The following FLYWCH1 variants were observed in gnomAD, a reference collection of about 807,000 sequenced individuals.
FLYWCH1 encodes FLYWCH-type zinc finger 1.
Under a neutral mutation model 66.4 loss-of-function variants are expected in FLYWCH1, and 75 were observed. That is an observed-to-expected ratio of 1.13 (90% CI 0.94 to 1.37). The LOEUF (loss-of-function observed/expected upper bound fraction) is 1.37. FLYWCH1 is among the 40% of genes most tolerant of loss of function. The pLI is 0.00. For missense variants in FLYWCH1, 1,334 were observed against 1,001.8 expected (o/e 1.33, Z -4.48); for synonymous variants, 595 against 429.9 (o/e 1.38, Z -4.75).
intron 4 of FLYWCH1, among the ~76,000 whole-genome samples, chr16:2,931,587 G>T (rs943995820): frequency 6.6e-6 from 1 of 151,952 alleles, no homozygotes; most frequent in Non-Finnish European, 1.5e-5. Flanking sequence ...CTGCCCTCCA[G>T]CCTGGACAAG....
At chr16:2,918,718 G>A (rs897256445) in intron 2 of FLYWCH1, among the ~76,000 whole-genome samples, 1 of 152,174 alleles carries the variant, frequency 6.6e-6, no homozygotes, top group Non-Finnish European at 1.5e-5. Flanking sequence ...TGGGATTAGA[G>A]GCGTGAACCA....
At position 2,933,297 on chromosome 16, in the gene FLYWCH1, C is replaced by G; in HGVS notation, c.964C>G (p.Arg322Gly). ...GAGCCGGGCCATCACCCAGGGACAG[C>G]GGGTGACTGTGATGCGTGGGCACTG... ...CRSRAITQGQ[R>G]VTVMRGHCHQ... The change falls in exon 5 of 10, where the codon CGG (arginine) becomes GGG (glycine). Residue 322 changes from arginine to glycine, a missense_variant. Transcript: ENST00000253928. 1 of 1,611,686 alleles carries G rather than the reference C, an allele frequency of 6.2e-7. No homozygotes were observed. The highest frequency in any genetic ancestry group is 8.5e-7 in the Non-Finnish European group (1 of 1,179,300).
At chr16:2,934,580 T>G (rs2070917561) in intron 6 of FLYWCH1, 1 of 451,248 alleles carries the variant, frequency 2.2e-6, no homozygotes, top group African/African-American at 2.0e-5. Context: ...CATCGTGGCC[T>G]CCTCCACTCA....
At chr16:2,942,119 G>C (rs1029096675) in intron 9 of FLYWCH1, among the ~76,000 whole-genome samples, 1 of 150,654 alleles carries the variant, frequency 6.6e-6, no homozygotes, top group Non-Finnish European at 1.5e-5. Context: ...TCTATCTACA[G>C]ATCAAAAAAA....
chr16:2,912,890 G>A (rs1295455681), intron 1 of FLYWCH1: 1 of 152,112 alleles, frequency 6.6e-6, no homozygotes, highest in Non-Finnish European at 1.5e-5. Context: ...CAATTCCAAC[G>A]AAATGGCTTA....
chr16:2,916,813 A>ACTT (rs1412051468), intron 2 of FLYWCH1, among the ~76,000 whole-genome samples: 65 of 151,900 alleles, frequency 4.3e-4, no homozygotes, highest in African/African-American at 1.4e-3. Context: ...AATACCCCTA[A>ACTT]GGTTCCTGAA....
At chr16:2,915,634 G>A (rs9926680) in intron 2 of FLYWCH1, among the ~76,000 whole-genome samples, 83,164 of 151,846 alleles carry the variant, frequency 0.55, 23,058 homozygotes, top group Middle Eastern at 0.62. Flanking sequence ...TGGGCTGGTC[G>A]CAGTGGTTCA....
chr16:2,940,976 C>T (rs1207017074), intron 9 of FLYWCH1, among the ~76,000 whole-genome samples: 1 of 152,088 alleles, frequency 6.6e-6, no homozygotes, highest in Non-Finnish European at 1.5e-5. Flanking sequence ...ACTAAAAATA[C>T]AAAAATTAGT....
intron 9 of FLYWCH1, among the ~76,000 whole-genome samples, chr16:2,941,816 T>A (rs538548682): frequency 2.7e-5 from 4 of 150,398 alleles, no homozygotes; most frequent in Non-Finnish European, 5.9e-5. Flanking sequence ...AGACCACGGG[T>A]TCAAGACCAG....
rs779747613 is a variant in FLYWCH1 at position 2,929,963 on chromosome 16, A to C, written c.278A>C (p.Gln93Pro). 5 of 1,612,920 alleles carry C rather than the reference A, an allele frequency of 3.1e-6. No homozygotes were observed. The highest frequency in any genetic ancestry group is 4.2e-6 in the Non-Finnish European group (5 of 1,179,526). ...LPVEEQGGVV[Q>P]PALEMPEQKC... is the part of the protein sequence containing the mutation. ...GTTGAGGAGCAGGGAGGGGTGGTCC[A>C]GCCAGCCCTAGAGATGCCTGAACAG... The change falls in exon 3 of 10, where the codon CAG becomes CCG. Residue 93 changes from glutamine (Q) to proline (P), a missense_variant. Coordinates refer to ENST00000253928, the MANE Select transcript of FLYWCH1 (RefSeq NM_001308068.2).
intron 9 of FLYWCH1, among the ~76,000 whole-genome samples, chr16:2,945,455 C>G (rs34120065): frequency 0.27 from 38,426 of 143,576 alleles, 5,311 homozygotes; most frequent in Non-Finnish European, 0.3. Context: ...CCACTGCATT[C>G]CAGCCTGGTG....
intron 2 of FLYWCH1, among the ~76,000 whole-genome samples, chr16:2,923,545 C>T (rs751693253): frequency 2.0e-5 from 3 of 152,156 alleles, no homozygotes; most frequent in Non-Finnish European, 4.4e-5. Flanking sequence ...AGCGCCCGGG[C>T]AGTGCAGATG....
rs1218882183 is a variant in FLYWCH1 at position 2,912,019 on chromosome 16, G to A, written c.-323G>A. 2.0e-5 allele frequency: 3 copies of A among 152,608 alleles called. No individual in the cohort carries two copies. The highest frequency in any genetic ancestry group is 2.9e-5 in the Non-Finnish European group (2 of 68,332). 9.5% of individuals were successfully genotyped at this position (152,608 alleles called of 1,614,324 possible). A position where few individuals can be genotyped will look rare whatever the true frequency, so the allele number is the denominator to read the frequency against. ...GGGCTCGCTCCCGAGGGGCAGGTCGGGGCTGGGAGCTGGTGCCCGGGTCGG... is the reference window on the plus strand; with the variant it reads ...GGGCTCGCTCCCGAGGGGCAGGTCGAGGCTGGGAGCTGGTGCCCGGGTCGG... On this transcript the variant is annotated 5_prime_UTR_variant, in exon 1 of 10. Coordinates refer to ENST00000253928, the MANE Select transcript of FLYWCH1 (RefSeq NM_001308068.2).
At chr16:2,929,361 G>C (rs2070679024) in intron 2 of FLYWCH1, among the ~76,000 whole-genome samples, 1 of 152,138 alleles carries the variant, frequency 6.6e-6, no homozygotes, top group Non-Finnish European at 1.5e-5. Context: ...TAGTCACTCT[G>C]ATGGCCCCTT....
At chr16:2,939,822 T>C (rs1277428788) in intron 8 of FLYWCH1, 3 of 466,510 alleles carry the variant, frequency 6.4e-6, no homozygotes, top group Non-Finnish European at 1.1e-5. Context: ...CTATTTTCCA[T>C]GACAGCAGCT....
At chr16:2,919,213 C>G (rs1006001204) in intron 2 of FLYWCH1, among the ~76,000 whole-genome samples, 1 of 152,062 alleles carries the variant, frequency 6.6e-6, no homozygotes, top group African/African-American at 2.4e-5. Context: ...GCCACCACAC[C>G]CAGCTGCTCT....
At chr16:2,912,448 C>A (rs995556355) in intron 1 of FLYWCH1, among the ~76,000 whole-genome samples, 1 of 152,168 alleles carries the variant, frequency 6.6e-6, no homozygotes, top group Non-Finnish European at 1.5e-5. Context: ...CCTGGACCCG[C>A]AGCATCAGCC....
At chr16:2,939,874 G>GGAAGGTAAT in intron 8 of FLYWCH1, 158 bp from the exon 9 acceptor site, 2 of 726,704 alleles carry the variant, frequency 2.8e-6, no homozygotes, top group Non-Finnish European at 4.3e-6. Context: ...CTGTTACCTG[G>GGAAGGTAAT]GAAGGTAATT....
Position 2,916,018 on chromosome 16 carries a change from TG to T in FLYWCH1, c.-74+1731del. Among the ~76,000 whole-genome samples, 3 of 152,228 alleles carry T rather than the reference TG, an allele frequency of 2.0e-5. No homozygotes were observed. The East Asian group carries it at 5.8e-4, about 30-fold the overall frequency. The stretch of plus-strand genomic sequence containing the variant: ...ATAAGCCTACCTGAGTTTGCCTGCC[TG>T]GAAGTCTCCATAAGGAAACTTAGAC... On this transcript the variant is annotated intron_variant, in intron 2 of 9. Transcript: ENST00000253928.
Sources: gnomAD v4.1 joint callset for allele counts (sites outside exome capture counted in the v4.1 genomes callset) on GRCh38, gnomAD v4.1.1 for gene constraint, MANE v1.5 for transcripts, NCBI Gene and HGNC (gene_info 2026-07-23, HGNC 2026-07-21) for gene names.